SPTBN5: variants seen among roughly 807,000 people sequenced by gnomAD.
SPTBN5 encodes the protein spectrin beta chain, non-erythrocytic 5.
In SPTBN5, 513 loss-of-function variants were observed where a neutral mutation model predicts 477.6. The ratio of observed to expected loss-of-function variants is 1.07; its 90% CI spans 1.00 to 1.16. SPTBN5 has a LOEUF of 1.16. Ranked by LOEUF, SPTBN5 falls within the 50% of genes most tolerant of loss-of-function variation. The pLI is 0.00. For synonymous variants in SPTBN5, 2,169 were observed against 2,011.7 expected (o/e 1.08, Z -2.09); for missense variants, 5,062 against 4,731.8 (o/e 1.07, Z -2.05).
intron 26 of SPTBN5, 81 bp downstream of exon 26, chr15:41,873,411 G>T: frequency 9.2e-7 from 1 of 1,082,942 alleles, no homozygotes. Flanking sequence ...CCGTGCCTCT[G>T]AGAGAGGGAG....
At position 41,868,398 on chromosome 15, in the gene SPTBN5, C is replaced by A. The variant is rs1202884329; in HGVS notation, c.6057G>T (p.Glu2019Asp). ...GGGGGCACCAGGGGAGGGGGCCCAC[C>A]TCCTTGGTGGGTGTCCCTGCAGCAA... Reference protein sequence around the residue: ...ALLAAGTPTKEVQEELRALQD... With the variant: ...ALLAAGTPTKDVQEELRALQD... Residue 2019 changes from glutamate to aspartate, a missense_variant and splice_region_variant, in exon 33 of 68, where the codon GAG becomes GAT. By Grantham distance (45) the Glu-to-Asp change is conservative (BLOSUM62 2). Coordinates refer to ENST00000320955, the MANE Select transcript of SPTBN5 (RefSeq NM_016642.4). 5.0e-6 allele frequency: 8 copies of A among 1,598,896 alleles called. No individual in the cohort carries two copies. Among genetic ancestry groups the A allele is most frequent in the Admixed American group, 1.7e-5 (1 of 59,488 alleles).
Position 41,856,522 on chromosome 15 carries a change from G to T in SPTBN5, c.8885C>A (p.Ala2962Asp). 6.2e-7 allele frequency: 1 copy of T among 1,601,340 alleles called. No individual in the cohort carries two copies. The highest frequency in any genetic ancestry group is 8.5e-7 in the Non-Finnish European group (1 of 1,175,558). Reference protein sequence around the residue: ...VLGTGYKLVQAGHFAAHEVAA... With the variant: ...VLGTGYKLVQDGHFAAHEVAA... ...CACCTCGTGGGCGGCAAAGTGCCCA[G>T]CCTGCACCAGCTTGTACCCAGTGCC... is the stretch of plus-strand genomic sequence containing the variant. Residue 2962 changes from alanine to aspartate, a missense_variant, in exon 53 of 68, where the codon GCT becomes GAT. By Grantham distance (126) the Ala-to-Asp change is moderately radical. Coordinates refer to ENST00000320955, the MANE Select transcript of SPTBN5 (RefSeq NM_016642.4).
chr15:41,874,148 G>A, intron 24 of SPTBN5, 103 bp from the exon 25 acceptor site: 1 of 1,502,680 alleles, frequency 6.7e-7, no homozygotes, highest in Non-Finnish European at 9.0e-7. Flanking sequence ...GACCCCCAGG[G>A]TCAAAATAGC....
At position 41,848,484 on chromosome 15, in the gene SPTBN5, A is replaced by G. The variant is rs1255244056; in HGVS notation, c.*132T>C. 3.8e-6 allele frequency: 4 copies of G among 1,042,280 alleles called. No individual in the cohort carries two copies. Among genetic ancestry groups the G allele is most frequent in the Non-Finnish European group, 6.0e-6 (4 of 661,938 alleles). 64.6% of individuals were successfully genotyped at this position (1,042,280 alleles called of 1,614,324 possible). A position where few individuals can be genotyped will look rare whatever the true frequency, so the allele number is the denominator to read the frequency against. On this transcript the variant is annotated 3_prime_UTR_variant, in exon 68 of 68. Transcript: ENST00000320955. ...ACCAGAAGGAACTGTCTATTCCAGA[A>G]GCTGGGCCTGGGGAACTGGGTTGAA...
Position 41,863,930 on chromosome 15 carries a change from C to T in SPTBN5, c.7013G>A (p.Arg2338Gln), listed in dbSNP as rs563656968. 44 of 1,613,854 alleles carry T rather than the reference C, an allele frequency of 2.7e-5. No individual in the cohort carries two copies. The East Asian group carries it at 3.1e-4, about 11-fold the overall frequency. ...TGGCCTGTTGTTGAGCTGGCTTCGC[C>T]GCTGGCAGATGATCTTGACTTCCTC... Reference protein sequence around the residue: ...DPEEVKIICQRRSQLNNRWAS... With the variant: ...DPEEVKIICQQRSQLNNRWAS... Residue 2338 changes from arginine (R) to glutamine (Q), a missense_variant, in exon 40 of 68, where the codon CGG becomes CAG. Transcript: ENST00000320955.
chr15:41,866,858 C>A, intron 36 of SPTBN5, 101 bp downstream of exon 36: 1 of 1,406,702 alleles, frequency 7.1e-7, no homozygotes, highest in Non-Finnish European at 9.4e-7. Flanking sequence ...GCCATCCACC[C>A]CCGAACCTGT....
At chr15:41,874,659 G>A (rs556925683) in intron 23 of SPTBN5, among the ~76,000 whole-genome samples, 181 bp from the exon 24 acceptor site, 4 of 152,326 alleles carry the variant, frequency 2.6e-5, no homozygotes, top group South Asian at 2.1e-4. Context: ...TAGATGACTC[G>A]CGTGACTGCA....
chr15:41,858,581 C>G (rs2140921633), intron 49 of SPTBN5, 21 bp downstream of exon 49: 2 of 1,605,250 alleles, frequency 1.2e-6, no homozygotes, highest in East Asian at 2.2e-5. Flanking sequence ...TCCCACCACC[C>G]TCCTGCCTGC....
At chr15:41,868,360 A>G (rs756380259) in intron 33 of SPTBN5, 38 bp downstream of exon 33, 5 of 1,583,244 alleles carry the variant, frequency 3.2e-6, no homozygotes, top group Non-Finnish European at 4.3e-6. Flanking sequence ...AGGCTTGGTC[A>G]GCTAGGGTAT....
chr15:41,892,191 G>T (rs1031533832), intron 3 of SPTBN5, among the ~76,000 whole-genome samples: 1 of 152,160 alleles, frequency 6.6e-6, no homozygotes, highest in Admixed American at 6.5e-5. Flanking sequence ...GCACAGTCAG[G>T]CTCCATCCAG....
intron 16 of SPTBN5, 145 bp downstream of exon 16, chr15:41,879,115 T>A: frequency 1.0e-6 from 1 of 968,998 alleles, no homozygotes; most frequent in Non-Finnish European, 1.5e-6. Context: ...GACCATTTTC[T>A]CCTGATCATC....
intron 18 of SPTBN5, 42 bp from the exon 19 acceptor site, chr15:41,876,990 G>T (rs1465212618): frequency 1.1e-5 from 17 of 1,581,412 alleles, no homozygotes; most frequent in Non-Finnish European, 1.5e-5. Context: ...GGAGAATGGG[G>T]GTCAGGACCA....
In SPTBN5 at chr15:41,867,642, C is replaced by T. The variant is rs369817259; in HGVS notation, c.6208G>A (p.Val2070Ile). The change falls in exon 35 of 68, where the codon GTC becomes ATC. Residue 2070 changes from valine (V) to isoleucine (I), a missense_variant and splice_region_variant. Physicochemically the swap from Val to Ile is conservative, Grantham distance 29. Transcript: ENST00000320955. ...CCCAAGGCACTGGTTTTCAGGGAGA[C>T]CTGGATCCACAGAAAAGTCAGAGGC... is the stretch of plus-strand genomic sequence containing the variant. ...RLEEILAAQEVSLKTSALGSS... is the reference protein window; with the variant it reads ...RLEEILAAQEISLKTSALGSS... 9.3e-6 allele frequency: 15 copies of T among 1,613,158 alleles called. No homozygotes were observed. In the African/African-American group the frequency reaches 1.6e-4, roughly 17 times the overall value.
In SPTBN5 at chr15:41,858,698, CA is replaced by C; in HGVS notation, c.8129del (p.Leu2710CysfsTer101). 6.2e-7 allele frequency: 1 copy of C among 1,609,992 alleles called. No individual in the cohort carries two copies. Among genetic ancestry groups the C allele is most frequent in the South Asian group, 1.1e-5 (1 of 90,136 alleles). On this transcript the variant is annotated frameshift_variant, in exon 49 of 68. Transcript: ENST00000320955. LOFTEE classifies it high-confidence loss of function. ...EKNLVALEEG[L>X]LDTAMLPAQL... ...GTGCTGGCAGCATGGCTGTGTCCAG[CA>C]AACCCTCCTCCAAGGCCACCAGGTT...
chr15:41,882,084 C>G lies in SPTBN5; in HGVS notation c.2309G>C (p.Arg770Thr). The G allele has an allele frequency of 6.4e-7, 1 of 1,573,034 alleles. No individual in the cohort carries two copies. The highest frequency in any genetic ancestry group is 8.5e-7 in the Non-Finnish European group (1 of 1,170,892). The change falls in exon 12 of 68, where the codon AGA becomes ACA. Residue 770 changes from arginine to threonine, a missense_variant. Coordinates refer to ENST00000320955, the MANE Select transcript of SPTBN5 (RefSeq NM_016642.4). ...WLRERRSSLE[R>T]ASCGQDQAAA... is the part of the protein sequence containing the mutation. ...CGCCTGGTCCTGACCGCAGGACGCT[C>G]TCTCCAGCGAGGATCGCCGCTCGCG...
At position 41,863,936 on chromosome 15, in the gene SPTBN5, C is replaced by A. The variant is rs2066209476; in HGVS notation, c.7007G>T (p.Cys2336Phe). 2 of 1,613,778 alleles carry A rather than the reference C, an allele frequency of 1.2e-6. No individual in the cohort carries two copies. Among genetic ancestry groups the A allele is most frequent in the Admixed American group, 3.3e-5 (2 of 60,010 alleles). ...GTTGTTGAGCTGGCTTCGCCGCTGG[C>A]AGATGATCTTGACTTCCTCAGGGTC... ...NRDPEEVKII[C>F]QRRSQLNNRW... The change falls in exon 40 of 68, where the codon TGC (cysteine) becomes TTC (phenylalanine). Residue 2336 changes from cysteine to phenylalanine, a missense_variant. Cys to Phe is a radical substitution (Grantham distance 205). Transcript: ENST00000320955.
rs574798174 is a variant in SPTBN5 at position 41,857,403 on chromosome 15, A to T, written c.8456T>A (p.Leu2819Gln). Residue 2819 changes from leucine (L) to glutamine (Q), a missense_variant, in exon 51 of 68, where the codon CTG becomes CAG. By Grantham distance (113) the Leu-to-Gln change is moderately radical. Transcript: ENST00000320955. ...GCCCAGGAGCTCGCCCACCCCAGGC[A>T]GGGCCTGGCCCACAGTGGGGGCTCT... ...ELRAPTVGQA[L>Q]PGVGELLGTQ... 6.3e-7 allele frequency: 1 copy of T among 1,593,146 alleles called. No homozygotes were observed. Among genetic ancestry groups the T allele is most frequent in the Admixed American group, 1.7e-5 (1 of 57,374 alleles).
chr15:41,852,512 A>T, intron 61 of SPTBN5, 122 bp downstream of exon 61: 2 of 1,321,142 alleles, frequency 1.5e-6, no homozygotes, highest in Non-Finnish European at 2.2e-6. Context: ...GCAGCTGGCC[A>T]GGGAAAGGAG....
intron 65 of SPTBN5, 28 bp from the exon 66 acceptor site, chr15:41,850,967 C>T: frequency 6.3e-7 from 1 of 1,593,728 alleles, no homozygotes; most frequent in Non-Finnish European, 8.5e-7. Context: ...AGGTCAAACT[C>T]CACTGTCCCT....
Sources: gnomAD v4.1 joint callset for allele counts (sites outside exome capture counted in the v4.1 genomes callset) on GRCh38, gnomAD v4.1.1 for gene constraint, MANE v1.5 for transcripts, NCBI Gene and HGNC (gene_info 2026-07-23, HGNC 2026-07-21) for gene names.